The following KHDRBS3 variants were observed in gnomAD, a reference collection of about 807,000 sequenced individuals.
KHDRBS3 encodes the protein KH domain-containing, RNA-binding, signal transduction-associated protein 3.
KHDRBS3 carries 23 observed loss-of-function variants against 45.6 expected under a neutral mutation model. That is an observed-to-expected ratio of 0.50 (90% CI 0.36 to 0.72). The LOEUF is 0.72. Among genes scored for constraint, KHDRBS3 ranks in the 30% least tolerant of loss-of-function variants. The pLI is 0.00. For missense variants in KHDRBS3, 352 were observed against 424.8 expected (o/e 0.83, Z 1.51); for synonymous variants, 162 against 156.5 (o/e 1.04, Z -0.26).
chr8:135,592,054 T>C (rs769698954), intron 6 of KHDRBS3, among the ~76,000 whole-genome samples: 11 of 152,224 alleles, frequency 7.2e-5, no homozygotes, highest in South Asian at 2.1e-4. Context: ...ATGAAGGTTC[T>C]ATAATTTTTC....
At chr8:135,638,328 C>A (rs1341859085) in intron 7 of KHDRBS3, among the ~76,000 whole-genome samples, 1 of 152,130 alleles carries the variant, frequency 6.6e-6, no homozygotes, top group Non-Finnish European at 1.5e-5. Context: ...CCCAGGAGCC[C>A]CCAGAGACAA....
intron 5 of KHDRBS3, 48 bp downstream of exon 5, chr8:135,557,635 A>G (rs936237627): frequency 2.1e-6 from 3 of 1,452,384 alleles, no homozygotes; most frequent in Middle Eastern, 1.8e-4. Flanking sequence ...CAGCAGTTTT[A>G]ATATTTCCTT....
intron 1 of KHDRBS3, among the ~76,000 whole-genome samples, chr8:135,483,546 C>CT (rs776009470): frequency 2.6e-5 from 4 of 152,214 alleles, no homozygotes; most frequent in Non-Finnish European, 5.9e-5. Flanking sequence ...AAAGCATAGA[C>CT]TTCAGATTCG....
intron 7 of KHDRBS3, among the ~76,000 whole-genome samples, chr8:135,643,530 G>A (rs1320170036): frequency 1.3e-5 from 2 of 152,214 alleles, no homozygotes; most frequent in Non-Finnish European, 2.9e-5. Flanking sequence ...GGGCCTTCTG[G>A]CAGAAAGAGT....
intron 1 of KHDRBS3, among the ~76,000 whole-genome samples, chr8:135,512,512 AT>A (rs1385308145): frequency 1.3e-5 from 2 of 149,244 alleles, no homozygotes; most frequent in East Asian, 4.0e-4. Flanking sequence ...TTATTCAGTT[AT>A]TTTCTGACCC....
At chr8:135,508,508 C>T (rs1166127243) in intron 1 of KHDRBS3, among the ~76,000 whole-genome samples, 1 of 152,078 alleles carries the variant, frequency 6.6e-6, no homozygotes, top group African/African-American at 2.4e-5. Context: ...ACCTCTGGAG[C>T]CTGATAATTG....
rs556774910 is a variant in KHDRBS3 at position 135,474,844 on chromosome 8, G to A, written c.88+16890G>A. On this transcript the variant is annotated intron_variant, in intron 1 of 8. Transcript: ENST00000355849. ...GGGGTCCTGGAGCTCAGAAGTCCGC[G>A]TGGCTCCCACTGGGCTCATGTTACG... Among the ~76,000 whole-genome samples the A allele has an allele frequency of 5.3e-5, 8 of 152,294 alleles. No homozygotes were observed. In the South Asian group the frequency reaches 8.3e-4, roughly 16 times the overall value.
At position 135,536,980 on chromosome 8, in the gene KHDRBS3, A is replaced by G; in HGVS notation, c.208-5674A>G. On this transcript the variant is annotated intron_variant, in intron 2 of 8. Transcript: ENST00000355849. Reference sequence around the variant, plus strand: ...AAACTCCATCTCAAAAAAAAAAAAAAAAAAAAAAAAAAAAAAAGGAGATGT... The same window carrying G: ...AAACTCCATCTCAAAAAAAAAAAAAGAAAAAAAAAAAAAAAAAGGAGATGT... 3.8e-5 allele frequency among the ~76,000 whole-genome samples: 2 copies of G among 51,980 alleles called. 1 individual carries two copies. Among genetic ancestry groups the G allele is most frequent in the East Asian group, 6.1e-3 (2 of 330 alleles). 34.1% of individuals were successfully genotyped at this position (51,980 alleles called of 152,430 possible). A position where few individuals can be genotyped will look rare whatever the true frequency, so the allele number is the denominator to read the frequency against.
chr8:135,530,516 G>A (rs1387759396), intron 2 of KHDRBS3, among the ~76,000 whole-genome samples: 6 of 152,148 alleles, frequency 3.9e-5, no homozygotes, highest in Non-Finnish European at 8.8e-5. Flanking sequence ...AGAGAAAGAA[G>A]TCAGGCTTAT....
intron 1 of KHDRBS3, among the ~76,000 whole-genome samples, chr8:135,513,164 C>T (rs566670794): frequency 1.3e-5 from 2 of 151,980 alleles, no homozygotes; most frequent in South Asian, 4.2e-4. Flanking sequence ...TGCGCCACTG[C>T]ACTCCAGCCT....
chr8:135,458,845 A>G, intron 1 of KHDRBS3: 1 of 455,902 alleles, frequency 2.2e-6, no homozygotes, highest in South Asian at 1.5e-5. Context: ...AGGCACGCCT[A>G]CCCGGGACAG....
intron 1 of KHDRBS3, among the ~76,000 whole-genome samples, chr8:135,464,343 A>T (rs1383411098): frequency 1.3e-5 from 2 of 152,180 alleles, no homozygotes; most frequent in Non-Finnish European, 2.9e-5. Context: ...ATTTTTAAAT[A>T]TGTATATATT....
At chr8:135,605,496 A>C (rs542146916) in intron 6 of KHDRBS3, among the ~76,000 whole-genome samples, 1 of 152,110 alleles carries the variant, frequency 6.6e-6, no homozygotes, top group South Asian at 2.1e-4. Context: ...TATGTTTTCT[A>C]TATCTATATT....
At chr8:135,588,479 G>A (rs906329516) in intron 6 of KHDRBS3, among the ~76,000 whole-genome samples, 9 of 152,208 alleles carry the variant, frequency 5.9e-5, no homozygotes, top group Non-Finnish European at 1.0e-4. Flanking sequence ...TTGGCCATTA[G>A]CGATTGACTC....
intron 1 of KHDRBS3, among the ~76,000 whole-genome samples, chr8:135,505,601 C>T (rs80135931): frequency 0.062 from 9,470 of 151,964 alleles, 408 homozygotes; most frequent in African/African-American, 0.12. Context: ...ACCCAAAAAG[C>T]GAATGGGGAG....
At chr8:135,527,149 C>T (rs1000848359) in intron 2 of KHDRBS3, among the ~76,000 whole-genome samples, 1 of 152,146 alleles carries the variant, frequency 6.6e-6, no homozygotes, top group Admixed American at 6.6e-5. Context: ...TATAAAGAGT[C>T]TTCTCTGAGC....
intron 7 of KHDRBS3, among the ~76,000 whole-genome samples, chr8:135,629,399 A>G (rs1453702077): frequency 6.6e-6 from 1 of 152,242 alleles, no homozygotes; most frequent in Non-Finnish European, 1.5e-5. Context: ...CTTATTGAGC[A>G]GAAAGTATAA....
chr8:135,584,786 T>C (rs1828384334), intron 6 of KHDRBS3, among the ~76,000 whole-genome samples: 2 of 152,166 alleles, frequency 1.3e-5, no homozygotes, highest in Non-Finnish European at 2.9e-5. Flanking sequence ...TTCCAACTTT[T>C]CTAATACAGC....
chr8:135,639,576 T>G (rs539092695), intron 7 of KHDRBS3, among the ~76,000 whole-genome samples: 52 of 152,282 alleles, frequency 3.4e-4, no homozygotes, highest in African/African-American at 1.2e-3. Context: ...ATACTCTCCT[T>G]TCCTCTAGGC....
Sources: allele counts gnomAD v4.1 joint callset (sites outside exome capture counted in the v4.1 genomes callset), GRCh38; gene constraint gnomAD v4.1.1; transcripts MANE v1.5; gene names NCBI Gene and HGNC (gene_info 2026-07-23, HGNC 2026-07-21).